The following PLEKHH2 variants were observed in gnomAD, a reference collection of about 807,000 sequenced individuals.
PLEKHH2 encodes pleckstrin homology domain-containing family H member 2.
Under a neutral mutation model 187.9 loss-of-function variants are expected in PLEKHH2, and 129 were observed. The observed-to-expected ratio is 0.69, with a 90% CI of 0.59 to 0.79. PLEKHH2 has a LOEUF of 0.79. Ranked by LOEUF, PLEKHH2 falls within the 30% of genes least tolerant of loss-of-function variation. PLEKHH2 has a pLI of 0.00. For missense variants in PLEKHH2, 2,076 were observed against 1,751.2 expected, an observed-to-expected ratio of 1.19 and a Z score of -3.31; for synonymous variants, 686 against 605.6, an observed-to-expected ratio of 1.13 and a Z score of -1.95.
chr2:43,744,396 C>T (rs907610897), intron 23 of PLEKHH2, among the ~76,000 whole-genome samples: 3 of 152,100 alleles, frequency 2.0e-5, no homozygotes, highest in Non-Finnish European at 4.4e-5. Flanking sequence ...TAGTCCCTGC[C>T]CACAGTGAAC....
chr2:43,760,895 G>T (rs571306564), intron 27 of PLEKHH2, among the ~76,000 whole-genome samples: 1 of 152,266 alleles, frequency 6.6e-6, no homozygotes, highest in African/African-American at 2.4e-5. Context: ...TAATATTTGT[G>T]CTTTTGTTAT....
intron 6 of PLEKHH2, among the ~76,000 whole-genome samples, chr2:43,696,487 CA>C (rs11380251): frequency 1.6e-3 from 175 of 112,718 alleles, no homozygotes; most frequent in East Asian, 7.0e-3. Context: ...CACCCTGTCT[CA>C]AAAAAAAAAA....
intron 21 of PLEKHH2, among the ~76,000 whole-genome samples, chr2:43,742,333 G>C (rs937977557): frequency 3.3e-5 from 5 of 151,376 alleles, no homozygotes; most frequent in African/African-American, 1.2e-4. Flanking sequence ...ACCTTGTTTA[G>C]TGGTCAAGCG....
In PLEKHH2 at chr2:43,700,534, G is replaced by A; in HGVS notation, c.1576G>A (p.Glu526Lys). The A allele has an allele frequency of 6.2e-7, 1 of 1,613,780 alleles. No homozygotes were observed. Among genetic ancestry groups the A allele is most frequent in the Non-Finnish European group, 8.5e-7 (1 of 1,179,946 alleles). Residue 526 changes from glutamate (E) to lysine (K), a missense_variant, in exon 8 of 30, where the codon GAA becomes AAA. Physicochemically the swap from Glu to Lys is moderately conservative, Grantham distance 56 (BLOSUM62 1). Transcript: ENST00000282406. The part of the protein sequence containing the change: ...SLDSPNSDDQ[E>K]HCDSAKKVAY... ...GGACTCTCCAAATTCAGATGACCAG[G>A]AACACTGTGACTCAGCAAAGAAGGT... is the stretch of plus-strand genomic sequence containing the variant.
chr2:43,711,904 A>AG (rs1050845787), intron 14 of PLEKHH2: 5 of 1,000,624 alleles, frequency 5.0e-6, no homozygotes, highest in Admixed American at 5.6e-5. Flanking sequence ...AAAAAAAAAA[A>AG]AAAAAGAAAA....
At chr2:43,739,641 G>T (rs1178702603) in intron 20 of PLEKHH2, among the ~76,000 whole-genome samples, 1 of 152,196 alleles carries the variant, frequency 6.6e-6, no homozygotes, top group African/African-American at 2.4e-5. Context: ...GCCCAAGAGG[G>T]AATCTGAAGC....
At chr2:43,709,442 T>C (rs1669831308) in intron 11 of PLEKHH2, among the ~76,000 whole-genome samples, 1 of 152,260 alleles carries the variant, frequency 6.6e-6, no homozygotes, top group East Asian at 1.9e-4. Flanking sequence ...AAAATATACA[T>C]GAGTAGACTC....
At chr2:43,680,801 C>G (rs1378472269) in intron 3 of PLEKHH2, 2 of 388,044 alleles carry the variant, frequency 5.2e-6, no homozygotes, top group East Asian at 1.2e-4. Context: ...TTTCTTGACA[C>G]TACCAATTAT....
intron 26 of PLEKHH2, 122 bp downstream of exon 26, chr2:43,757,386 G>T: frequency 2.7e-6 from 2 of 737,114 alleles, no homozygotes; most frequent in Non-Finnish European, 2.0e-6. Flanking sequence ...TTTTTAACAT[G>T]ATTGAGCCAC....
intron 2 of PLEKHH2, among the ~76,000 whole-genome samples, chr2:43,669,475 G>A (rs1456349402): frequency 6.6e-6 from 1 of 151,880 alleles, no homozygotes. Flanking sequence ...ATTATATCTC[G>A]ACTTTAAATA....
intron 3 of PLEKHH2, among the ~76,000 whole-genome samples, chr2:43,690,432 A>G (rs1366540622): frequency 1.3e-5 from 2 of 151,832 alleles, no homozygotes; most frequent in Non-Finnish European, 2.9e-5. Context: ...GAATTGATTT[A>G]CATTTATGCA....
Position 43,732,006 on chromosome 2 carries a change from C to T in PLEKHH2, c.2943+404C>T, listed in dbSNP as rs1232874084. Among the ~76,000 whole-genome samples the T allele has an allele frequency of 2.0e-5, 3 of 152,274 alleles. No individual in the cohort carries two copies. In the South Asian group the frequency reaches 6.2e-4, roughly 32 times the overall value. On this transcript the variant is annotated intron_variant, in intron 19 of 29. Transcript: ENST00000282406. ...GAAATCCCTAATCACTCAAAACTTG[C>T]CATGCAACTTCGCACTCTTTATCCT...
chr2:43,647,259 C>T lies in PLEKHH2; in HGVS notation c.123+2463C>T, dbSNP rs6717198. On this transcript the variant is annotated intron_variant, in intron 2 of 29. Transcript: ENST00000282406. ...GCTTTAAATATATAAACTTTTAAAT[C>T]CTTATAACTATCCTATGAGGTAGTT... 5.3e-5 allele frequency among the ~76,000 whole-genome samples: 8 copies of T among 152,150 alleles called. No individual in the cohort carries two copies. In the South Asian group the frequency reaches 1.0e-3, roughly 20 times the overall value.
chr2:43,752,118 A>G (rs546844292), intron 24 of PLEKHH2, among the ~76,000 whole-genome samples: 2 of 152,302 alleles, frequency 1.3e-5, no homozygotes, highest in African/African-American at 4.8e-5. Context: ...TACAGTGATG[A>G]GTATGATATA....
chr2:43,681,539 T>A (rs1282844150), intron 3 of PLEKHH2: 6 of 1,453,874 alleles, frequency 4.1e-6, no homozygotes, highest in Non-Finnish European at 5.7e-6. Flanking sequence ...GCTTTGCGTA[T>A]GCAGAAAGAC....
At chr2:43,698,510 A>T (rs533721130) in intron 7 of PLEKHH2, among the ~76,000 whole-genome samples, 4 of 152,160 alleles carry the variant, frequency 2.6e-5, no homozygotes, top group African/African-American at 9.6e-5. Context: ...GGCCTCCCAA[A>T]AGTGCTGGAT....
In PLEKHH2 at chr2:43,683,230, C is replaced by T. The variant is rs1248072579; in HGVS notation, c.186+4305C>T. Among the ~76,000 whole-genome samples the T allele has an allele frequency of 2.7e-5, 4 of 145,974 alleles. No homozygotes were observed. The South Asian group carries it at 8.7e-4, about 32-fold the overall frequency. ...GCACGATCTTGGCTCACCACAACCT[C>T]CGCCTCCCACGTTCAAGCCATTCTC... On this transcript the variant is annotated intron_variant, in intron 3 of 29. Coordinates refer to ENST00000282406, the MANE Select transcript of PLEKHH2 (RefSeq NM_172069.4).
In PLEKHH2 at chr2:43,675,794, C is replaced by T. The variant is rs754442001; in HGVS notation, c.124-3069C>T. ...ATCCCTCCTTCCACAGTCACGTATT[C>T]GAGGTCTCCAAATATAACAGTGTGG... is the stretch of plus-strand genomic sequence containing the variant. On this transcript the variant is annotated intron_variant, in intron 2 of 29. Transcript: ENST00000282406. The T allele has an allele frequency of 4.3e-6, 7 of 1,613,728 alleles. No homozygotes were observed. Among genetic ancestry groups the T allele is most frequent in the Middle Eastern group, 3.3e-4 (2 of 6,062 alleles).
chr2:43,640,476 G>A (rs540535914), intron 1 of PLEKHH2, among the ~76,000 whole-genome samples: 4 of 152,314 alleles, frequency 2.6e-5, no homozygotes, highest in Admixed American at 2.0e-4. Context: ...TTACAGGCGT[G>A]AGCCACCATG....
Sources: allele counts gnomAD v4.1 joint callset (sites outside exome capture counted in the v4.1 genomes callset), GRCh38; gene constraint gnomAD v4.1.1; transcripts MANE v1.5; gene names NCBI Gene and HGNC (gene_info 2026-07-23, HGNC 2026-07-21).